DCC: variants seen among roughly 807,000 people sequenced by gnomAD.
The protein encoded by DCC is DCC netrin 1 receptor.
In DCC, 58 loss-of-function variants were observed where a neutral mutation model predicts 172.5. The ratio of observed to expected loss-of-function variants is 0.34; its 90% CI spans 0.27 to 0.42. DCC has a LOEUF of 0.42. Among genes scored for constraint, DCC ranks in the 10% least tolerant of loss-of-function variants. DCC has a pLI of 1.00. For synonymous variants in DCC, 709 were observed against 644.5 expected, an observed-to-expected ratio of 1.10 and a Z score of -1.52; for missense variants, 1,740 against 1,791.0, an observed-to-expected ratio of 0.97 and a Z score of 0.51.
chr18:52,462,850 T>TTGAATGAA (rs78177790), intron 1 of DCC, among the ~76,000 whole-genome samples: 20 of 151,468 alleles, frequency 1.3e-4, no homozygotes, highest in Admixed American at 2.0e-4. Context: ...GAATTATGTA[T>TTGAATGAA]TGAATGAATG....
At chr18:52,383,984 C>A (rs1338571088) in intron 1 of DCC, among the ~76,000 whole-genome samples, 1 of 151,998 alleles carries the variant, frequency 6.6e-6, no homozygotes. Flanking sequence ...ACTTAAAATT[C>A]CCCTATCACA....
At chr18:52,823,219 A>G (rs2038441897) in intron 2 of DCC, among the ~76,000 whole-genome samples, 3 of 152,102 alleles carry the variant, frequency 2.0e-5, no homozygotes, top group South Asian at 4.1e-4. Flanking sequence ...CTATAAACCC[A>G]GTACTTTGGG....
intron 1 of DCC, among the ~76,000 whole-genome samples, chr18:52,673,131 C>T (rs2035583784): frequency 6.6e-6 from 1 of 152,138 alleles, no homozygotes; most frequent in African/African-American, 2.4e-5. Context: ...TAAACTCTTG[C>T]TGTTTAGGAA....
intron 1 of DCC, among the ~76,000 whole-genome samples, chr18:52,573,698 C>T (rs891180961): frequency 1.3e-5 from 2 of 152,138 alleles, no homozygotes; most frequent in Non-Finnish European, 2.9e-5. Context: ...CATCTAAGAT[C>T]AGAGAATTTT....
At chr18:53,358,561 G>T (rs1458082855) in intron 15 of DCC, among the ~76,000 whole-genome samples, 1 of 112,892 alleles carries the variant, frequency 8.9e-6, no homozygotes. Context: ...TTGCGACAGA[G>T]TCTGGCTCTG....
chr18:53,351,407 A>ATATATACAG (rs1451319642), intron 15 of DCC, among the ~76,000 whole-genome samples: 7,298 of 18,672 alleles, frequency 0.39, 2,306 homozygotes, highest in South Asian at 0.72. Context: ...CAGTGTATAT[A>ATATATACAG]TATATATATA....
intron 27 of DCC, among the ~76,000 whole-genome samples, chr18:53,522,970 G>A (rs1480429438): frequency 1.3e-5 from 2 of 152,142 alleles, no homozygotes; most frequent in African/African-American, 2.4e-5. Flanking sequence ...TCATCAGAGT[G>A]AACAGGCAAC....
At chr18:52,923,136 A>G (rs1478854767) in intron 3 of DCC, among the ~76,000 whole-genome samples, 1 of 152,138 alleles carries the variant, frequency 6.6e-6, no homozygotes, top group Non-Finnish European at 1.5e-5. Flanking sequence ...CCAGACACAG[A>G]CTAGTTATAA....
At chr18:52,944,550 G>T (rs1329304764) in intron 5 of DCC, among the ~76,000 whole-genome samples, 2 of 152,176 alleles carry the variant, frequency 1.3e-5, no homozygotes, top group East Asian at 3.8e-4. Context: ...GACAGGAGAA[G>T]GAGTGGGAGG....
intron 1 of DCC, among the ~76,000 whole-genome samples, chr18:52,494,521 C>T (rs1481957356): frequency 6.6e-6 from 1 of 151,934 alleles, no homozygotes. Flanking sequence ...CGATATTTTT[C>T]ATTTTCAATT....
chr18:52,485,036 T>G (rs921999035), intron 1 of DCC, among the ~76,000 whole-genome samples: 2 of 152,150 alleles, frequency 1.3e-5, no homozygotes, highest in African/African-American at 4.8e-5. Context: ...ATGATACTTT[T>G]GTCTTCTTGC....
At chr18:52,783,020 A>C (rs986899832) in intron 2 of DCC, among the ~76,000 whole-genome samples, 11 of 152,112 alleles carry the variant, frequency 7.2e-5, no homozygotes, top group Non-Finnish European at 1.2e-4. Context: ...TAAAAACAAG[A>C]GATCATACTG....
chr18:52,962,356 G>A (rs1167174202), intron 5 of DCC, among the ~76,000 whole-genome samples: 1 of 150,484 alleles, frequency 6.6e-6, no homozygotes, highest in Admixed American at 6.6e-5. Context: ...ATGAAAAAAT[G>A]CTCATCATCA....
chr18:53,042,576 C>A (rs1240201404), intron 5 of DCC, among the ~76,000 whole-genome samples: 1 of 151,088 alleles, frequency 6.6e-6, no homozygotes, highest in Non-Finnish European at 1.5e-5. Flanking sequence ...TTTCAGAGAG[C>A]TAATATCCAG....
In DCC at chr18:52,712,591, A is replaced by G. The variant is rs944889167; in HGVS notation, c.92-39463A>G. 2.0e-5 allele frequency among the ~76,000 whole-genome samples: 3 copies of G among 152,352 alleles called. No individual in the cohort carries two copies. In the East Asian group the frequency reaches 5.8e-4, roughly 29 times the overall value. On this transcript the variant is annotated intron_variant, in intron 1 of 28. Coordinates refer to ENST00000442544, the MANE Select transcript of DCC (RefSeq NM_005215.4). ...ATGCAAGAATCTTGAAATACTAAGT[A>G]TCCTGAGTATTTCACAGTATTTAGA...
intron 1 of DCC, among the ~76,000 whole-genome samples, chr18:52,496,429 T>C (rs1485222325): frequency 5.9e-5 from 9 of 152,186 alleles, no homozygotes; most frequent in South Asian, 2.1e-4. Flanking sequence ...GGGTTGAATA[T>C]AGTCAAAACA....
chr18:52,713,021 T>A (rs1364172882), intron 1 of DCC, among the ~76,000 whole-genome samples: 7 of 152,156 alleles, frequency 4.6e-5, no homozygotes, highest in Non-Finnish European at 1.0e-4. Flanking sequence ...ACTTTTGAAT[T>A]AATTTTCCTA....
rs1180755907 is a variant in DCC, at chr18:53,533,171, A to G, written c.*2518A>G. The G allele has an allele frequency of 2.0e-5, 3 of 152,180 alleles. No homozygotes were observed. Among genetic ancestry groups the G allele is most frequent in the Non-Finnish European group, 2.9e-5 (2 of 68,028 alleles). 9.4% of individuals were successfully genotyped at this position (152,180 alleles called of 1,614,324 possible). A position where few individuals can be genotyped will look rare whatever the true frequency, so the allele number is the denominator to read the frequency against. ...TTACCCTCAAATGATTCATATATGT[A>G]TATAATTGCCTGCCCAAGTTTTCAG... On this transcript the variant is annotated 3_prime_UTR_variant, in exon 29 of 29. Transcript: ENST00000442544.
chr18:53,312,353 AAAAAAAAAAAG>A (rs1159733696), intron 13 of DCC, among the ~76,000 whole-genome samples: 3 of 143,322 alleles, frequency 2.1e-5, no homozygotes, highest in South Asian at 2.3e-4. Context: ...AAAAAAAAAA[AAAAAAAAAAAG>A]AAAAAGAAAA....
Sources: allele counts gnomAD v4.1 joint callset (sites outside exome capture counted in the v4.1 genomes callset), GRCh38; gene constraint gnomAD v4.1.1; transcripts MANE v1.5; gene names NCBI Gene and HGNC (gene_info 2026-07-23, HGNC 2026-07-21).